Variants in FAM13A observed in about 807,000 individuals in gnomAD.
The protein encoded by FAM13A is protein FAM13A.
A neutral mutation model predicts 129.6 loss-of-function variants in FAM13A; 76 were observed. The observed-to-expected ratio is 0.59, with a 90% CI of 0.49 to 0.71. The LOEUF (loss-of-function observed/expected upper bound fraction) is 0.71. Among genes scored for constraint, FAM13A ranks in the 30% least tolerant of loss-of-function variants. The pLI is 0.00. For synonymous variants in FAM13A, 443 were observed against 449.9 expected, an observed-to-expected ratio of 0.98 and a Z score of 0.20; for missense variants, 1,108 against 1,249.3, an observed-to-expected ratio of 0.89 and a Z score of 1.70.
intron 7 of FAM13A, among the ~76,000 whole-genome samples, chr4:88,845,931 TCCC>T (rs1198715148): frequency 1.3e-5 from 2 of 152,198 alleles, no homozygotes; most frequent in Non-Finnish European, 2.9e-5. Flanking sequence ...TTATTATGTT[TCCC>T]CCATTTATCT....
chr4:88,831,223 TC>T (rs1403840349), intron 7 of FAM13A, among the ~76,000 whole-genome samples: 1 of 152,144 alleles, frequency 6.6e-6, no homozygotes, highest in African/African-American at 2.4e-5. Flanking sequence ...TCTCCAAATC[TC>T]CCGTGGGAGT....
chr4:88,823,911 T>G (rs1416603010), intron 7 of FAM13A, among the ~76,000 whole-genome samples: 1 of 152,256 alleles, frequency 6.6e-6, no homozygotes, highest in African/African-American at 2.4e-5. Context: ...ACTTACTATT[T>G]CTGCATTTTA....
At chr4:88,953,505 C>T (rs1487847647) in intron 4 of FAM13A, among the ~76,000 whole-genome samples, 4 of 152,094 alleles carry the variant, frequency 2.6e-5, no homozygotes, top group African/African-American at 9.6e-5. Context: ...ATAACATAAA[C>T]TTTAACATTT....
At chr4:88,870,611 T>TA (rs770221420) in intron 6 of FAM13A, among the ~76,000 whole-genome samples, 1 of 152,028 alleles carries the variant, frequency 6.6e-6, no homozygotes, top group Admixed American at 6.6e-5. Flanking sequence ...GAGGCTTGAG[T>TA]AGGTAAACAA....
chr4:88,933,149 A>ATTATAT (rs1360182821), intron 5 of FAM13A, among the ~76,000 whole-genome samples: 1 of 152,220 alleles, frequency 6.6e-6, no homozygotes, highest in Non-Finnish European at 1.5e-5. Context: ...CAACAGCAAC[A>ATTATAT]CTGTCTAATA....
intron 2 of FAM13A, among the ~76,000 whole-genome samples, chr4:89,027,839 G>A (rs1013309191): frequency 6.6e-6 from 1 of 152,050 alleles, no homozygotes; most frequent in Non-Finnish European, 1.5e-5. Context: ...GACAAGGGGA[G>A]GATTCAGGTC....
At chr4:89,003,950 C>T (rs76820235) in intron 3 of FAM13A, among the ~76,000 whole-genome samples, 16,011 of 152,136 alleles carry the variant, frequency 0.11, 906 homozygotes, top group African/African-American at 0.15. Context: ...TGAGAAAGAA[C>T]TGAGGGCTGC....
At chr4:88,948,992 ACT>A (rs1756451960) in intron 4 of FAM13A, among the ~76,000 whole-genome samples, 1 of 152,224 alleles carries the variant, frequency 6.6e-6, no homozygotes, top group South Asian at 2.1e-4. Context: ...ACATTTATTC[ACT>A]GTAAGTATCA....
At chr4:88,947,270 G>T (rs1357392148) in intron 4 of FAM13A, among the ~76,000 whole-genome samples, 1 of 152,088 alleles carries the variant, frequency 6.6e-6, no homozygotes, top group Non-Finnish European at 1.5e-5. Context: ...ACTTAGTCGG[G>T]CGTGGTAGTG....
chr4:88,804,776 C>G (rs1728227781), intron 8 of FAM13A, among the ~76,000 whole-genome samples: 1 of 152,058 alleles, frequency 6.6e-6, no homozygotes, highest in Non-Finnish European at 1.5e-5. Context: ...CACCTTGGCA[C>G]TTTTGAATTT....
chr4:88,829,551 T>C (rs1733548615), intron 7 of FAM13A, among the ~76,000 whole-genome samples: 2 of 152,234 alleles, frequency 1.3e-5, no homozygotes, highest in Admixed American at 6.5e-5. Flanking sequence ...ATGAGTTATT[T>C]AGAATCATGA....
intron 6 of FAM13A, among the ~76,000 whole-genome samples, chr4:88,862,402 T>C (rs1739635383): frequency 6.6e-6 from 1 of 151,952 alleles, no homozygotes; most frequent in African/African-American, 2.4e-5. Flanking sequence ...TGGAAGGAAA[T>C]AAAGAGATGG....
At chr4:88,887,458 C>T (rs893977257) in intron 6 of FAM13A, among the ~76,000 whole-genome samples, 16 of 151,798 alleles carry the variant, frequency 1.1e-4, no homozygotes, top group African/African-American at 3.6e-4. Context: ...AGCTTTCATT[C>T]TCTAGTCATC....
chr4:88,736,963 A>G (rs939697198), intron 21 of FAM13A, among the ~76,000 whole-genome samples: 1 of 152,228 alleles, frequency 6.6e-6, no homozygotes, highest in East Asian at 1.9e-4. Context: ...AAATCTGTCA[A>G]AGACTACTAA....
At chr4:88,748,340 T>C (rs189418444) in intron 17 of FAM13A, among the ~76,000 whole-genome samples, 2 of 152,328 alleles carry the variant, frequency 1.3e-5, no homozygotes, top group Admixed American at 6.5e-5. Flanking sequence ...ACATTTTCTT[T>C]GATTACATGG....
intron 23 of FAM13A, among the ~76,000 whole-genome samples, chr4:88,730,589 A>C (rs1331518174): frequency 6.6e-6 from 1 of 151,988 alleles, no homozygotes; most frequent in Non-Finnish European, 1.5e-5. Flanking sequence ...ATGGGGTTTC[A>C]CCATGTTGGT....
chr4:89,011,700 G>A (rs982263317), intron 3 of FAM13A, among the ~76,000 whole-genome samples: 23 of 152,118 alleles, frequency 1.5e-4, no homozygotes, highest in African/African-American at 4.1e-4. Flanking sequence ...CTGTCTTACC[G>A]TGTTTTTGCT....
chr4:88,837,438 G>A (rs767202563), intron 7 of FAM13A, among the ~76,000 whole-genome samples: 7 of 151,064 alleles, frequency 4.6e-5, no homozygotes, highest in South Asian at 4.2e-4. Context: ...AGCCTTTGCC[G>A]GGCACGGTGG....
At chr4:88,870,121 TAA>T (rs34310867) in intron 6 of FAM13A, among the ~76,000 whole-genome samples, 4 of 146,876 alleles carry the variant, frequency 2.7e-5, no homozygotes, top group Non-Finnish European at 3.0e-5. Context: ...ATTTCTGTTG[TAA>T]AAAAAAAAAA....
Sources: gnomAD v4.1 joint callset for allele counts (sites outside exome capture counted in the v4.1 genomes callset) on GRCh38, gnomAD v4.1.1 for gene constraint, MANE v1.5 for transcripts, NCBI Gene and HGNC (gene_info 2026-07-23, HGNC 2026-07-21) for gene names.